The following BTBD16 variants were observed in gnomAD, a reference collection of about 807,000 sequenced individuals.
The protein encoded by BTBD16 is BTB/POZ domain-containing protein 16.
A neutral mutation model predicts 67.4 loss-of-function variants in BTBD16; 66 were observed. The observed-to-expected ratio is 0.98, with a 90% CI of 0.80 to 1.20. The LOEUF is 1.20. Ranked by LOEUF, BTBD16 falls within the 50% of genes most tolerant of loss-of-function variation. BTBD16 has a pLI of 0.00. For missense variants in BTBD16, 634 were observed against 616.0 expected, an observed-to-expected ratio of 1.03 and a Z score of -0.31; for synonymous variants, 242 against 236.4, an observed-to-expected ratio of 1.02 and a Z score of -0.22.
chr10:122,334,804 G>A (rs1469675035), intron 13 of BTBD16, 77 bp from the exon 14 acceptor site: 11 of 888,898 alleles, frequency 1.2e-5, no homozygotes, highest in Non-Finnish European at 2.0e-5. Context: ...TTACAGGTGT[G>A]AACCACCACG....
intron 3 of BTBD16, 116 bp from the exon 4 acceptor site, chr10:122,283,735 T>C: frequency 2.6e-6 from 2 of 782,258 alleles, no homozygotes; most frequent in Admixed American, 4.2e-5. Context: ...GGGCGAGATA[T>C]GATTAGCTTG....
At chr10:122,287,101 G>T (rs1429113874) in intron 5 of BTBD16, among the ~76,000 whole-genome samples, 2 of 152,208 alleles carry the variant, frequency 1.3e-5, no homozygotes, top group Non-Finnish European at 2.9e-5. Context: ...CCCACTGCCT[G>T]CGGGAATCTG....
chr10:122,309,059 G>A (rs550909051), intron 10 of BTBD16, among the ~76,000 whole-genome samples: 2 of 152,274 alleles, frequency 1.3e-5, no homozygotes, highest in East Asian at 1.9e-4. Context: ...CTTCAACAAA[G>A]GGCTTATGAT....
rs539329146 is a variant in BTBD16, at chr10:122,275,130, T to G, written c.18+31T>G. ...TAGATCAGTTTCTCAAGAAGGTAGG[T>G]GATGAGAAGAAGCATTTGCTTATGG... On this transcript the variant is annotated intron_variant, in intron 2 of 15. Transcript: ENST00000260723. 5 of 1,607,152 alleles carry G rather than the reference T, an allele frequency of 3.1e-6. No individual in the cohort carries two copies. In the South Asian group the frequency reaches 5.5e-5, roughly 18 times the overall value.
chr10:122,334,088 A>C (rs1050813314), intron 13 of BTBD16, among the ~76,000 whole-genome samples: 1 of 151,896 alleles, frequency 6.6e-6, no homozygotes, highest in Non-Finnish European at 1.5e-5. Flanking sequence ...AGCTTTCCCC[A>C]TGTTTCCTAG....
intron 13 of BTBD16, 158 bp downstream of exon 13, chr10:122,332,671 C>T: frequency 1.6e-6 from 1 of 612,218 alleles, no homozygotes; most frequent in Non-Finnish European, 2.0e-6. Context: ...GTCATCAGCT[C>T]CCAGGAAATA....
At chr10:122,328,835 C>T (rs1276205038) in intron 10 of BTBD16, 24 of 985,314 alleles carry the variant, frequency 2.4e-5, no homozygotes, top group South Asian at 4.7e-5. Flanking sequence ...CTCAACCCAG[C>T]GCTGAACTTC....
chr10:122,309,494 G>A (rs560098614), intron 10 of BTBD16, among the ~76,000 whole-genome samples: 7 of 151,956 alleles, frequency 4.6e-5, no homozygotes, highest in African/African-American at 1.2e-4. Context: ...ACAGGCAAGC[G>A]CCACCACACC....
rs116305783 is a variant in BTBD16, at chr10:122,297,715, T to C, written c.591-53T>C. The C allele has an allele frequency of 3.0e-3, 4,738 of 1,598,438 alleles. 117 individuals carry two copies. In the African/African-American group the frequency reaches 0.057, roughly 19 times the overall value. ...AATGAGAATCTCTGGGACTTTCCGCTTCTCCAAAAGCAGTGTGGGGTTCCT... is the reference window on the plus strand; with the variant it reads ...AATGAGAATCTCTGGGACTTTCCGCCTCTCCAAAAGCAGTGTGGGGTTCCT... On this transcript the variant is annotated intron_variant, in intron 7 of 15. Coordinates refer to ENST00000260723, the MANE Select transcript of BTBD16 (RefSeq NM_144587.5).
intron 8 of BTBD16, 95 bp from the exon 9 acceptor site, chr10:122,298,907 ACT>A (rs1408284003): frequency 6.6e-7 from 1 of 1,505,794 alleles, no homozygotes; most frequent in East Asian, 2.3e-5. Flanking sequence ...CTCTGCAGTG[ACT>A]CTCCCTCTGA....
chr10:122,307,354 T>A (rs1438659867), intron 10 of BTBD16, 46 bp downstream of exon 10: 2 of 1,546,600 alleles, frequency 1.3e-6, no homozygotes, highest in South Asian at 2.5e-5. Context: ...AATACTGAAA[T>A]GTACAAACAC....
intron 10 of BTBD16, among the ~76,000 whole-genome samples, chr10:122,319,119 G>T (rs1590086944): frequency 6.6e-6 from 1 of 152,092 alleles, no homozygotes; most frequent in Admixed American, 6.6e-5. Flanking sequence ...TAAATATTCT[G>T]GATACAAGTC....
At chr10:122,303,698 C>T (rs2096398319) in intron 9 of BTBD16, 2 of 881,828 alleles carry the variant, frequency 2.3e-6, no homozygotes, top group African/African-American at 1.8e-5. Context: ...TTTTTTTCCC[C>T]TAAAGAACAA....
At chr10:122,337,370 G>A (rs1246498005) in intron 15 of BTBD16, among the ~76,000 whole-genome samples, 1 of 152,196 alleles carries the variant, frequency 6.6e-6, no homozygotes, top group Non-Finnish European at 1.5e-5. Context: ...AATTTCCTTT[G>A]TGGGGGTGAG....
intron 9 of BTBD16, among the ~76,000 whole-genome samples, chr10:122,302,785 C>A (rs1030605291): frequency 6.6e-6 from 1 of 152,190 alleles, no homozygotes. Flanking sequence ...GTTACCCAGA[C>A]TGATTCCTAT....
intron 3 of BTBD16, among the ~76,000 whole-genome samples, chr10:122,278,408 G>A (rs1340561423): frequency 1.3e-5 from 2 of 152,192 alleles, no homozygotes; most frequent in Non-Finnish European, 2.9e-5. Flanking sequence ...AATGGTTATA[G>A]AGCACCTTCT....
intron 6 of BTBD16, among the ~76,000 whole-genome samples, chr10:122,290,546 T>C (rs910930045): frequency 6.6e-6 from 1 of 152,156 alleles, no homozygotes; most frequent in South Asian, 2.1e-4. Context: ...CGTTGGGCCA[T>C]TTGTCGCCAG....
At chr10:122,331,054 G>GA in intron 11 of BTBD16, 122 bp from the exon 12 acceptor site, 1 of 1,319,944 alleles carries the variant, frequency 7.6e-7, no homozygotes, top group Non-Finnish European at 1.0e-6. Context: ...CCTTAAAGGA[G>GA]ACCATCCACC....
chr10:122,296,732 A>G lies in BTBD16; in HGVS notation c.591-1036A>G, dbSNP rs1212633867. 2.0e-5 allele frequency among the ~76,000 whole-genome samples: 3 copies of G among 152,324 alleles called. No individual in the cohort carries two copies. The East Asian group carries it at 5.8e-4, about 29-fold the overall frequency. ...GCAAGGAACCAGGTAGAAGGAAGTC[A>G]TGCAAATCAAAGCTAAGGGATTATG... On this transcript the variant is annotated intron_variant, in intron 7 of 15. Coordinates refer to ENST00000260723, the MANE Select transcript of BTBD16 (RefSeq NM_144587.5).
Sources: allele counts gnomAD v4.1 joint callset (sites outside exome capture counted in the v4.1 genomes callset), GRCh38; gene constraint gnomAD v4.1.1; transcripts MANE v1.5; gene names NCBI Gene and HGNC (gene_info 2026-07-23, HGNC 2026-07-21).